Variants in PIEZO1 observed in about 807,000 individuals in gnomAD.
PIEZO1 encodes the protein piezo-type mechanosensitive ion channel component 1.
A neutral mutation model predicts 297.2 loss-of-function variants in PIEZO1; 296 were observed. The observed-to-expected ratio is 1.00, with a 90% CI of 0.91 to 1.10. The LOEUF (loss-of-function observed/expected upper bound fraction) is 1.10, where lower values mean the gene tolerates loss of function less well. Ranked by LOEUF, PIEZO1 falls within the 50% of genes least tolerant of loss-of-function variation. The pLI is 0.00. For missense variants in PIEZO1, 5,018 were observed against 3,455.5 expected, an observed-to-expected ratio of 1.45 and a Z score of -11.34; for synonymous variants, 2,427 against 1,507.5, an observed-to-expected ratio of 1.61 and a Z score of -14.13.
At position 88,765,332 on chromosome 16, in the gene PIEZO1, T is replaced by C. The variant is rs576805751; in HGVS notation, c.65-15853A>G. Among the ~76,000 whole-genome samples, 585 of 151,882 alleles carry C rather than the reference T, an allele frequency of 3.9e-3. 3 individuals are homozygous for C. The highest frequency in any genetic ancestry group is 0.013 in the African/African-American group (558 of 41,420). Reference sequence around the variant, plus strand: ...CTCCCTTCAGAACCTTGCTTCCCCTTCCCCCCAGGCCACTGGGACAGGGCA... The same window carrying C: ...CTCCCTTCAGAACCTTGCTTCCCCTCCCCCCCAGGCCACTGGGACAGGGCA... On this transcript the variant is annotated intron_variant, in intron 1 of 50. Coordinates refer to ENST00000301015, the MANE Select transcript of PIEZO1 (RefSeq NM_001142864.4).
At chr16:88,779,356 C>T (rs761103705) in intron 1 of PIEZO1, among the ~76,000 whole-genome samples, 2 of 152,152 alleles carry the variant, frequency 1.3e-5, no homozygotes, top group African/African-American at 2.4e-5. Flanking sequence ...CCATTTTGGA[C>T]GGCGTCGGGG....
chr16:88,726,679 C>T lies in PIEZO1; in HGVS notation c.3699+36G>A, dbSNP rs553446531. On this transcript the variant is annotated intron_variant, in intron 25 of 50. Transcript: ENST00000301015. ...GCAGGGTCAGCGGGGCCAGCGGGGC[C>T]CCAGGGCGGTGGGTGCGGGGGGGCC... 2.8e-4 allele frequency: 437 copies of T among 1,546,714 alleles called. 2 individuals carry two copies. The South Asian group carries it at 3.5e-3, about 12-fold the overall frequency.
At chr16:88,722,099 G>A (rs147221901) in intron 36 of PIEZO1, 33 bp from the exon 37 acceptor site, 126 of 1,534,888 alleles carry the variant, frequency 8.2e-5, no homozygotes, top group Non-Finnish European at 1.1e-4. Context: ...GGGGGAGTCT[G>A]GGACTGCCCG....
intron 19 of PIEZO1, chr16:88,732,969 C>T (rs1018989787): frequency 1.0e-5 from 6 of 584,462 alleles, no homozygotes; most frequent in South Asian, 6.3e-5. Context: ...GAGGGATGTG[C>T]GAGAAGGTCC....
At chr16:88,732,890 AC>A in intron 19 of PIEZO1, 158 bp from the exon 20 acceptor site, 1 of 717,980 alleles carries the variant, frequency 1.4e-6, no homozygotes, top group Non-Finnish European at 2.3e-6. Context: ...GGGGAAGGGG[AC>A]CAGGTGTTTG....
chr16:88,750,279 T>C (rs1194276244), intron 1 of PIEZO1, among the ~76,000 whole-genome samples: 6 of 152,018 alleles, frequency 3.9e-5, no homozygotes, highest in Admixed American at 6.6e-5. Flanking sequence ...GAGGTTGCAG[T>C]GAGCCGAGAT....
Position 88,725,468 on chromosome 16 carries a change from G to T in PIEZO1, c.4110C>A (p.Asp1370Glu), listed in dbSNP as rs758306341. The T allele has an allele frequency of 4.0e-6, 6 of 1,511,862 alleles. No individual in the cohort carries two copies. The highest frequency in any genetic ancestry group is 5.3e-6 in the Non-Finnish European group (6 of 1,126,108). 93.7% of individuals were successfully genotyped at this position (1,511,862 alleles called of 1,614,324 possible). A position where few individuals can be genotyped will look rare whatever the true frequency, so the allele number is the denominator to read the frequency against. The part of the protein sequence containing the change: ...KQEKHRQGRV[D>E]RSRPQDTLGP... ...CCAGGGTGTCCTGGGGGCGACTGCG[G>T]TCCACCCGGCCCTGCCTGTGCTTCT... is the stretch of plus-strand genomic sequence containing the variant. The change falls in exon 29 of 51, where the codon GAC becomes GAA. Residue 1370 changes from aspartate (D) to glutamate (E), a missense_variant. Transcript: ENST00000301015.
At chr16:88,736,851 C>T (rs1044570555) in intron 10 of PIEZO1, 112 bp from the exon 11 acceptor site, 2 of 645,602 alleles carry the variant, frequency 3.1e-6, no homozygotes, top group East Asian at 3.0e-5. Flanking sequence ...GAGACAGGCC[C>T]CCGGTGGGCT....
Position 88,720,663 on chromosome 16 carries a change from TC to T in PIEZO1, c.5753del (p.Gly1918GlufsTer3), listed in dbSNP as rs1912372302. ...GREKRPSRSG[G>X]RVRAAGRRLQ... Reference sequence around the variant, plus strand: ...GCCGCCGCCCGGCCGCCCTTACTCTTCCTCCAGAGCGGCTTGGCCTCTTCTC... The same window carrying T: ...GCCGCCGCCCGGCCGCCCTTACTCTTCTCCAGAGCGGCTTGGCCTCTTCTC... On this transcript the variant is annotated frameshift_variant, in exon 40 of 51. Transcript: ENST00000301015. LOFTEE classifies it high-confidence loss of function. 6.5e-7 allele frequency: 1 copy of T among 1,548,308 alleles called. No individual in the cohort carries two copies. Among genetic ancestry groups the T allele is most frequent in the African/African-American group, 1.4e-5 (1 of 72,936 alleles).
rs566114145 is a variant in PIEZO1 at position 88,774,420 on chromosome 16, A to C, written c.64+10481T>G. 2.6e-5 allele frequency among the ~76,000 whole-genome samples: 4 copies of C among 152,260 alleles called. No homozygotes were observed. The South Asian group carries it at 8.3e-4, about 32-fold the overall frequency. On this transcript the variant is annotated intron_variant, in intron 1 of 50. Transcript: ENST00000301015. ...AGTAAATAAATAAAAATAACAATAT[A>C]AACTGGAGAAAGACACCCGTGGGTG... is the stretch of plus-strand genomic sequence containing the variant.
intron 1 of PIEZO1, among the ~76,000 whole-genome samples, chr16:88,776,559 C>G (rs1444669556): frequency 6.6e-6 from 1 of 152,108 alleles, no homozygotes; most frequent in Non-Finnish European, 1.5e-5. Context: ...CCTATGTGCA[C>G]ATCTAGGAGG....
chr16:88,739,115 C>G (rs961103080), intron 5 of PIEZO1: 13 of 216,072 alleles, frequency 6.0e-5, no homozygotes, highest in Non-Finnish European at 8.4e-5. Context: ...TGTCTATACC[C>G]CGGGGGGTCT....
chr16:88,738,182 G>C, intron 7 of PIEZO1, 45 bp downstream of exon 7: 1 of 1,533,234 alleles, frequency 6.5e-7, no homozygotes, highest in Non-Finnish European at 8.7e-7. Flanking sequence ...CCAGGTGGGC[G>C]GGACCAGGGT....
rs1296753309 is a variant in PIEZO1, at chr16:88,736,160, G to A, written c.1545C>T (p.Asp515=). Residue 515 remains aspartate (D), a synonymous_variant, in exon 12 of 51, where the codon GAC becomes GAT. Coordinates refer to ENST00000301015, the MANE Select transcript of PIEZO1 (RefSeq NM_001142864.4). The part of the protein sequence containing the change: ...GLEHTRYPCL[D]LGAMLLYTLT... ...GGTGCACACTCACCATGGCACCAAG[G>A]TCCAGACAGGGGTAGCGGGTGTGCT... The A allele has an allele frequency of 1.9e-6, 3 of 1,546,666 alleles. No individual in the cohort carries two copies. The highest frequency in any genetic ancestry group is 2.6e-6 in the Non-Finnish European group (3 of 1,145,196).
chr16:88,722,917 G>T lies in PIEZO1; in HGVS notation c.4588C>A (p.Gln1530Lys). Residue 1530 changes from glutamine (Q) to lysine (K), a missense_variant, in exon 34 of 51, where the codon CAG becomes AAG. Gln to Lys is a moderately conservative substitution (Grantham distance 53). Coordinates refer to ENST00000301015, the MANE Select transcript of PIEZO1 (RefSeq NM_001142864.4). ...GTGCCGTGGTGCCGGGTGAACTCCT[G>T]CAGCCAGCGTGTCAGCTCATCCACT... ...ALVDELTRWL[Q>K]EFTRHHGTMS... 1 of 1,549,348 alleles carries T rather than the reference G, an allele frequency of 6.5e-7. No individual in the cohort carries two copies.
In PIEZO1 at chr16:88,717,219, G is replaced by A. The variant is rs1912113551; in HGVS notation, c.6472-8C>T. The A allele has an allele frequency of 6.5e-7, 1 of 1,546,802 alleles. No individual in the cohort carries two copies. The highest frequency in any genetic ancestry group is 8.7e-7 in the Non-Finnish European group (1 of 1,146,710). The stretch of plus-strand genomic sequence containing the variant: ...TTTGGGCTGCGGGTATTTCTGGAGG[G>A]GAACGACACAGGTCATACGCTCAGC... On this transcript the variant is annotated splice_region_variant and splice_polypyrimidine_tract_variant and intron_variant, in intron 44 of 50. Coordinates refer to ENST00000301015, the MANE Select transcript of PIEZO1 (RefSeq NM_001142864.4).
At chr16:88,736,797 G>T in intron 10 of PIEZO1, 58 bp from the exon 11 acceptor site, 1 of 1,093,384 alleles carries the variant, frequency 9.1e-7, no homozygotes, top group Non-Finnish European at 1.3e-6. Flanking sequence ...TCCCCACCCT[G>T]ACTATGCCCT....
intron 44 of PIEZO1, chr16:88,717,664 T>C (rs1381215057): frequency 9.0e-6 from 4 of 443,810 alleles, no homozygotes; most frequent in Non-Finnish European, 1.8e-5. Flanking sequence ...CCAAAATAAA[T>C]ACTTTGTGCT....
Position 88,721,656 on chromosome 16 carries a change from C to G in PIEZO1, c.5285G>C (p.Arg1762Pro). The stretch of plus-strand genomic sequence containing the variant: ...CGGGAAGTAGGGCTTGTTCTCGTAG[C>G]GCCGCAGCACCACGTGGCTGTTCCA... ...FPWNSHVVLR[R>P]YENKPYFPPR... The change falls in exon 38 of 51, where the codon CGC becomes CCC. Residue 1762 changes from arginine (R) to proline (P), a missense_variant. Arg to Pro is a moderately radical substitution (Grantham distance 103). Transcript: ENST00000301015. The G allele has an allele frequency of 6.5e-7, 1 of 1,550,030 alleles. No homozygotes were observed. The highest frequency in any genetic ancestry group is 1.2e-5 in the South Asian group (1 of 84,062).
Sources: allele counts gnomAD v4.1 joint callset (sites outside exome capture counted in the v4.1 genomes callset), GRCh38; gene constraint gnomAD v4.1.1; transcripts MANE v1.5; gene names NCBI Gene and HGNC (gene_info 2026-07-23, HGNC 2026-07-21).